Variants in CEP41 observed in about 807,000 individuals in gnomAD.
CEP41 encodes centrosomal protein of 41 kDa.
Under a neutral mutation model 44.3 loss-of-function variants are expected in CEP41, and 32 were observed. The observed-to-expected ratio is 0.72, with a 90% CI of 0.54 to 0.97. The LOEUF is 0.97. Among genes scored for constraint, CEP41 ranks in the 50% least tolerant of loss-of-function variants. CEP41 has a pLI of 0.00. For synonymous variants in CEP41, 151 were observed against 168.5 expected (o/e 0.90, Z 0.80); for missense variants, 432 against 455.2 (o/e 0.95, Z 0.46).
In CEP41 at chr7:130,401,937, G is replaced by C; in HGVS notation, c.586C>G (p.Pro196Ala). Reference sequence around the variant, plus strand: ...ATTGTTCTAGACAGAGTTGCAATTGGGTAACTGTAAGCTGCAAAGAGAAGA... The same window carrying C: ...ATTGTTCTAGACAGAGTTGCAATTGCGTAACTGTAAGCTGCAAAGAGAAGA... ...QCHIVGAYSY[P>A]IATLSRTMNP... Residue 196 changes from proline to alanine, a missense_variant, in exon 8 of 11, where the codon CCA (proline) becomes GCA (alanine). Pro to Ala is a conservative substitution (Grantham distance 27). Coordinates refer to ENST00000223208, the MANE Select transcript of CEP41 (RefSeq NM_018718.3). The C allele has an allele frequency of 1.2e-6, 2 of 1,609,244 alleles. No individual in the cohort carries two copies. The highest frequency in any genetic ancestry group is 1.7e-6 in the Non-Finnish European group (2 of 1,175,734).
intron 4 of CEP41, 156 bp downstream of exon 4, chr7:130,412,023 A>G (rs937190714): frequency 1.4e-6 from 1 of 698,106 alleles, no homozygotes; most frequent in Non-Finnish European, 2.6e-6. Context: ...ATGTGAACAC[A>G]CACACCACAT....
intron 8 of CEP41, 71 bp downstream of exon 8, chr7:130,401,810 C>T (rs1407361183): frequency 8.1e-6 from 8 of 992,872 alleles, no homozygotes; most frequent in South Asian, 3.8e-5. Context: ...TTACCAGGAG[C>T]GTGGTTCATG....
In CEP41 at chr7:130,410,023, G is replaced by A. The variant is rs1454600499; in HGVS notation, c.277+1099C>T. On this transcript the variant is annotated intron_variant, in intron 5 of 10. Coordinates refer to ENST00000223208, the MANE Select transcript of CEP41 (RefSeq NM_018718.3). ...CCAGTGCCTTGAGGAAGCCTACCTC[G>A]GTCTTCTTTTTTTTTTTTTTGAGAC... is the stretch of plus-strand genomic sequence containing the variant. 5.4e-4 allele frequency among the ~76,000 whole-genome samples: 39 copies of A among 72,156 alleles called. 1 individual carries two copies. Among genetic ancestry groups the A allele is most frequent in the Non-Finnish European group, 8.9e-5 (3 of 33,680 alleles). 47.3% of individuals were successfully genotyped at this position (72,156 alleles called of 152,430 possible). A position where few individuals can be genotyped will look rare whatever the true frequency, so the allele number is the denominator to read the frequency against.
intron 1 of CEP41, among the ~76,000 whole-genome samples, chr7:130,431,497 G>A (rs1350374896): frequency 2.6e-5 from 4 of 152,184 alleles, no homozygotes; most frequent in African/African-American, 7.2e-5. Context: ...ACAGACGCCA[G>A]GCTGCATGAG....
At chr7:130,440,801 C>CAAA in intron 1 of CEP41, 133 bp downstream of exon 1, 1 of 485,316 alleles carries the variant, frequency 2.1e-6, no homozygotes, top group African/African-American at 2.0e-5. Flanking sequence ...GCCCCTGCAT[C>CAAA]CCGACCCCTC....
intron 6 of CEP41, among the ~76,000 whole-genome samples, chr7:130,403,414 G>C (rs1044123963): frequency 1.3e-5 from 2 of 152,178 alleles, no homozygotes; most frequent in Admixed American, 6.5e-5. Context: ...GGATTAAAAT[G>C]AGGAAGCTAA....
intron 5 of CEP41, among the ~76,000 whole-genome samples, chr7:130,409,377 G>C (rs181334613): frequency 6.6e-6 from 1 of 152,296 alleles, no homozygotes; most frequent in African/African-American, 2.4e-5. Flanking sequence ...ATGAATTAAA[G>C]GACCAAATCT....
chr7:130,431,466 G>A (rs1439491436), intron 1 of CEP41, among the ~76,000 whole-genome samples: 4 of 152,150 alleles, frequency 2.6e-5, no homozygotes, highest in African/African-American at 7.2e-5. Context: ...CTGACTGCTG[G>A]GAAGACAGAC....
chr7:130,395,046 AC>A lies in CEP41; in HGVS notation c.*3844del. On this transcript the variant is annotated 3_prime_UTR_variant, in exon 11 of 11. Transcript: ENST00000223208. The stretch of plus-strand genomic sequence containing the variant: ...ATGTGACAGACACCGTTTCGAAAAC[AC>A]ATAAAATCATGCACCGAATCCTGTT... The A allele has an allele frequency of 2.2e-6, 1 of 454,134 alleles. No homozygotes were observed. The highest frequency in any genetic ancestry group is 4.4e-6 in the Non-Finnish European group (1 of 226,792). 28.1% of individuals were successfully genotyped at this position (454,134 alleles called of 1,614,324 possible).
chr7:130,412,316 G>T, intron 3 of CEP41, 76 bp from the exon 4 acceptor site: 1 of 773,218 alleles, frequency 1.3e-6, no homozygotes, highest in Non-Finnish European at 2.3e-6. Context: ...CAAGTGACGT[G>T]GTCTTTCAAG....
intron 2 of CEP41, 154 bp from the exon 3 acceptor site, chr7:130,417,120 CTT>C: frequency 1.4e-6 from 2 of 1,437,464 alleles, no homozygotes; most frequent in Non-Finnish European, 1.8e-6. Context: ...ACAGTAAAAT[CTT>C]TTGGATAATA....
intron 2 of CEP41, chr7:130,426,805 C>T (rs1584899882): frequency 2.8e-6 from 1 of 353,338 alleles, no homozygotes; most frequent in South Asian, 2.1e-5. Context: ...CCAATATTGA[C>T]TTCCTCATCC....
At chr7:130,438,985 A>G (rs1328794636) in intron 1 of CEP41, among the ~76,000 whole-genome samples, 1 of 152,152 alleles carries the variant, frequency 6.6e-6, no homozygotes, top group Non-Finnish European at 1.5e-5. Context: ...AAAATATACA[A>G]TTTACTCTAT....
chr7:130,428,641 C>T (rs1486463429), intron 1 of CEP41, among the ~76,000 whole-genome samples: 2 of 149,804 alleles, frequency 1.3e-5, no homozygotes, highest in Non-Finnish European at 1.5e-5. Flanking sequence ...TGGCCAGGCT[C>T]GGTGGCTCAC....
intron 3 of CEP41, among the ~76,000 whole-genome samples, chr7:130,414,704 C>T (rs1399382686): frequency 1.3e-5 from 2 of 152,192 alleles, no homozygotes; most frequent in Non-Finnish European, 2.9e-5. Context: ...AGAAGGACAG[C>T]CGTCAGTAGG....
rs377707022 is a variant in CEP41, at chr7:130,404,630, G to A, written c.356C>T (p.Ser119Leu). The change falls in exon 6 of 11, where the codon TCG becomes TTG. Residue 119 changes from serine (S) to leucine (L), a missense_variant. Transcript: ENST00000223208. ...TNGKGNPGEQ[S>L]PSPEQFINNA... is the part of the protein sequence containing the mutation. The stretch of plus-strand genomic sequence containing the variant: ...GTTTATGAACTGCTCAGGGCTCGGC[G>A]ACTGCTCACCTGGATTTCCTTTCCC... The A allele has an allele frequency of 9.3e-6, 15 of 1,613,400 alleles. No homozygotes were observed. Among genetic ancestry groups the A allele is most frequent in the Non-Finnish European group, 1.1e-5 (13 of 1,179,342 alleles).
rs782548890 is a variant in CEP41 at position 130,400,246 on chromosome 7, C to T, written c.766G>A (p.Val256Ile). ...CCTTCCGGGAATTTCTGAGCTAAGA[C>T]TTTTAGACCTAGGTTTGGAAAATCA... ...NLFMLSGGLK[V>I]LAQKFPEGLI... The change falls in exon 10 of 11, where the codon GTC becomes ATC. Residue 256 changes from valine (V) to isoleucine (I), a missense_variant. Physicochemically the swap from Val to Ile is conservative, Grantham distance 29 (BLOSUM62 3). Transcript: ENST00000223208. 5 of 1,612,702 alleles carry T rather than the reference C, an allele frequency of 3.1e-6. No individual in the cohort carries two copies. Among genetic ancestry groups the T allele is most frequent in the East Asian group, 4.5e-5 (2 of 44,876 alleles).
chr7:130,430,625 A>G (rs1797796452), intron 1 of CEP41, among the ~76,000 whole-genome samples: 1 of 152,234 alleles, frequency 6.6e-6, no homozygotes, highest in Non-Finnish European at 1.5e-5. Context: ...GAGACAGACA[A>G]TATCATGGCA....
intron 2 of CEP41, chr7:130,426,854 G>A (rs1196247364): frequency 4.3e-5 from 11 of 254,818 alleles, no homozygotes; most frequent in African/African-American, 1.9e-4. Flanking sequence ...ATTGAACTCC[G>A]AATAAATCAC....
Sources: gnomAD v4.1 joint callset for allele counts (sites outside exome capture counted in the v4.1 genomes callset) on GRCh38, gnomAD v4.1.1 for gene constraint, MANE v1.5 for transcripts, NCBI Gene and HGNC (gene_info 2026-07-23, HGNC 2026-07-21) for gene names.